Variants in TMEM178B observed in about 807,000 individuals in gnomAD.
TMEM178B encodes transmembrane protein 178B.
A neutral mutation model predicts 31.0 loss-of-function variants in TMEM178B; 5 were observed. The ratio of observed to expected loss-of-function variants is 0.16; its 90% CI spans 0.08 to 0.34. The LOEUF is 0.34. TMEM178B is among the 10% of genes least tolerant of loss of function. TMEM178B has a pLI of 1.00. For missense variants in TMEM178B, 275 were observed against 400.3 expected, an observed-to-expected ratio of 0.69 and a Z score of 2.67; for synonymous variants, 164 against 164.0, an observed-to-expected ratio of 1.00 and a Z score of 0.00.
At chr7:141,158,385 C>A (rs1186652144) in intron 1 of TMEM178B, among the ~76,000 whole-genome samples, 4 of 152,222 alleles carry the variant, frequency 2.6e-5, no homozygotes, top group Non-Finnish European at 4.4e-5. Flanking sequence ...CATGAGCCAC[C>A]ATGCTTGGCC....
At chr7:141,162,188 T>G (rs950468346) in intron 1 of TMEM178B, among the ~76,000 whole-genome samples, 1 of 152,226 alleles carries the variant, frequency 6.6e-6, no homozygotes, top group Non-Finnish European at 1.5e-5. Context: ...ATCTCTGATT[T>G]GGAGGCTGAC....
At position 141,121,845 on chromosome 7, in the gene TMEM178B, C is replaced by G. The variant is rs183206232; in HGVS notation, c.382+47153C>G. 1.2e-4 allele frequency among the ~76,000 whole-genome samples: 19 copies of G among 152,270 alleles called. 1 individual carries two copies. The East Asian group carries it at 3.5e-3, about 28-fold the overall frequency. On this transcript the variant is annotated intron_variant, in intron 1 of 3. Coordinates refer to ENST00000565468, the MANE Select transcript of TMEM178B (RefSeq NM_001195278.2). ...GAATCTCCCTTCTTTTTAGCACCCCCTTTTTGACTTGCTGAGCTTGTTAAC... is the reference window on the plus strand; with the variant it reads ...GAATCTCCCTTCTTTTTAGCACCCCGTTTTTGACTTGCTGAGCTTGTTAAC...
chr7:141,216,681 C>T (rs529197128), intron 2 of TMEM178B, among the ~76,000 whole-genome samples: 68 of 152,136 alleles, frequency 4.5e-4, no homozygotes, highest in African/African-American at 1.4e-3. Flanking sequence ...GGGTGCCTTT[C>T]GCCTTCTCAC....
chr7:141,200,821 G>A (rs906514261), intron 1 of TMEM178B, among the ~76,000 whole-genome samples: 1 of 152,168 alleles, frequency 6.6e-6, no homozygotes, highest in African/African-American at 2.4e-5. Context: ...CACCCAAAGT[G>A]CTTTCTCCTA....
At chr7:141,120,416 A>G (rs1795390600) in intron 1 of TMEM178B, among the ~76,000 whole-genome samples, 1 of 152,244 alleles carries the variant, frequency 6.6e-6, no homozygotes, top group Non-Finnish European at 1.5e-5. Context: ...ACAATTGTGC[A>G]AGATTATACA....
intron 2 of TMEM178B, among the ~76,000 whole-genome samples, chr7:141,390,606 G>A (rs10264293): frequency 0.078 from 11,900 of 152,210 alleles, 549 homozygotes; most frequent in South Asian, 0.11. Flanking sequence ...TTGCCTTTGC[G>A]TTTTCAAAGC....
intron 2 of TMEM178B, among the ~76,000 whole-genome samples, chr7:141,284,204 C>T (rs533549180): frequency 2.6e-5 from 4 of 152,270 alleles, no homozygotes; most frequent in East Asian, 1.9e-4. Context: ...CCACGCGATT[C>T]GGGAGTTGAG....
chr7:141,418,752 A>C (rs1050563182), intron 2 of TMEM178B, among the ~76,000 whole-genome samples: 4 of 152,188 alleles, frequency 2.6e-5, no homozygotes, highest in African/African-American at 9.7e-5. Flanking sequence ...GTGATTTTCA[A>C]GTCAGTATCT....
chr7:141,489,385 C>A, the TMEM178B span, among the ~76,000 whole-genome samples: 1 of 152,216 alleles, frequency 6.6e-6, no homozygotes, highest in Non-Finnish European at 1.5e-5. Flanking sequence ...ATGGTTCTGC[C>A]AATAGCTAAG....
At chr7:141,373,182 G>A (rs2116573035) in intron 2 of TMEM178B, among the ~76,000 whole-genome samples, 1 of 152,302 alleles carries the variant, frequency 6.6e-6, no homozygotes, top group South Asian at 2.1e-4. Context: ...ACAGCATATT[G>A]GAAGTGCTCT....
At chr7:141,440,729 C>G in intron 3 of TMEM178B, among the ~76,000 whole-genome samples, 1 of 152,194 alleles carries the variant, frequency 6.6e-6, no homozygotes, top group Non-Finnish European at 1.5e-5. Flanking sequence ...GTTAGCATCA[C>G]AGAAAGATCT....
intron 1 of TMEM178B, among the ~76,000 whole-genome samples, chr7:141,206,435 C>T (rs1796963688): frequency 6.6e-6 from 1 of 152,216 alleles, no homozygotes. Flanking sequence ...CCTCTGTCTT[C>T]TGCACCTGCT....
intron 2 of TMEM178B, among the ~76,000 whole-genome samples, chr7:141,251,138 G>A (rs1797826666): frequency 6.6e-6 from 1 of 151,972 alleles, no homozygotes; most frequent in African/African-American, 2.4e-5. Flanking sequence ...ATGAGTGAGA[G>A]AACTCCTTCA....
intron 2 of TMEM178B, among the ~76,000 whole-genome samples, chr7:141,289,089 C>T (rs1798499887): frequency 6.6e-6 from 1 of 152,198 alleles, no homozygotes; most frequent in South Asian, 2.1e-4. Flanking sequence ...TCATTCCCTG[C>T]TTAAAAATCT....
intron 2 of TMEM178B, among the ~76,000 whole-genome samples, chr7:141,262,865 A>G (rs1353018170): frequency 1.3e-5 from 2 of 152,212 alleles, no homozygotes; most frequent in African/African-American, 4.8e-5. Flanking sequence ...CTCAGGGTTA[A>G]CAAAGGAAGA....
chr7:141,162,785 T>C (rs1796196776), intron 1 of TMEM178B, among the ~76,000 whole-genome samples: 1 of 152,080 alleles, frequency 6.6e-6, no homozygotes, highest in African/African-American at 2.4e-5. Context: ...TTTATGGGAG[T>C]GAAGAATAAA....
chr7:141,195,158 G>A (rs1186014542), intron 1 of TMEM178B, among the ~76,000 whole-genome samples: 1 of 152,198 alleles, frequency 6.6e-6, no homozygotes, highest in African/African-American at 2.4e-5. Context: ...TTAACATTAG[G>A]CTCTTTGCTG....
chr7:141,189,675 A>C (rs1174778010), intron 1 of TMEM178B, among the ~76,000 whole-genome samples: 2 of 152,228 alleles, frequency 1.3e-5, no homozygotes, highest in African/African-American at 2.4e-5. Flanking sequence ...TCGTGGTGGC[A>C]GTGACAGAGC....
At chr7:141,100,065 C>T (rs962301688) in intron 1 of TMEM178B, among the ~76,000 whole-genome samples, 24 of 152,238 alleles carry the variant, frequency 1.6e-4, no homozygotes, top group Admixed American at 1.5e-3. Context: ...GTGATCCGCC[C>T]GCCTTGGCCT....
Sources: allele counts gnomAD v4.1 joint callset (sites outside exome capture counted in the v4.1 genomes callset), GRCh38; gene constraint gnomAD v4.1.1; transcripts MANE v1.5; gene names NCBI Gene and HGNC (gene_info 2026-07-23, HGNC 2026-07-21).